Variants in LBX1 observed in about 807,000 individuals in gnomAD.
The protein encoded by LBX1 is transcription factor LBX1.
In LBX1, 6 loss-of-function variants were observed where a neutral mutation model predicts 19.9. The ratio of observed to expected loss-of-function variants is 0.30; its 90% confidence interval spans 0.17 to 0.60. The LOEUF (loss-of-function observed/expected upper bound fraction) is 0.60, where lower values mean the gene tolerates loss of function less well. LBX1 is among the 20% of genes least tolerant of loss of function. The pLI, the probability that LBX1 is intolerant of heterozygous loss-of-function variation, is 0.87. For synonymous variants in LBX1, 190 were observed against 189.3 expected (o/e 1.00, Z -0.03); for missense variants, 344 against 393.7 (o/e 0.87, Z 1.07).
intron 1 of LBX1, 63 bp from the exon 2 acceptor site, chr10:101,227,853 CCCGTAACT>C: frequency 1.4e-6 from 2 of 1,479,712 alleles, no homozygotes; most frequent in Admixed American, 4.4e-5. Flanking sequence ...GGCTCTCGCC[CCCGTAACT>C]CCGTAACCCA....
Position 101,228,928 on chromosome 10 carries a change from G to T in LBX1, c.-113C>A, listed in dbSNP as rs1333674434. On this transcript the variant is annotated 5_prime_UTR_variant, in exon 1 of 2. Coordinates refer to ENST00000370193, the MANE Select transcript of LBX1 (RefSeq NM_006562.5). ...GGCAGCGGCGGGTGGAAAGGAGGCC[G>T]CACTGGGCAGGGCGCGGGCCGGGCG... The T allele has an allele frequency of 5.1e-6, 3 of 590,400 alleles. No individual in the cohort carries two copies. The highest frequency in any genetic ancestry group is 7.1e-6 in the Non-Finnish European group (3 of 423,032). The allele number at this position is 590,400 out of a possible 1,614,324, so 36.6% of individuals were successfully genotyped here. A position where few individuals can be genotyped will look rare whatever the true frequency, so the allele number is the denominator to read the frequency against.
Position 101,227,317 on chromosome 10 carries a change from C to G in LBX1, c.799G>C (p.Asp267His), listed in dbSNP as rs774944786. 3.1e-6 allele frequency: 5 copies of G among 1,609,612 alleles called. No homozygotes were observed. The South Asian group carries it at 5.5e-5, about 18-fold the overall frequency. Residue 267 changes from aspartate (D) to histidine (H), a missense_variant, in exon 2 of 2, where the codon GAC (aspartate) becomes CAC (histidine). By Grantham distance (81) the Asp-to-His change is moderately conservative. Around this residue, in one of 3 missense-constraint regions of LBX1, gnomAD observed 146 missense variants for 124.2 expected, o/e 1.18. Transcript: ENST00000370193. ...TCGTCTTCCTCGTCCTCCGAGCAGTCCTGGCTGCTGGCCGGCTGGTCCGTG... is the reference window on the plus strand; with the variant it reads ...TCGTCTTCCTCGTCCTCCGAGCAGTGCTGGCTGCTGGCCGGCTGGTCCGTG... ...PLTDQPASSQ[D>H]CSEDEEDEEI...
chr10:101,227,437 T>TGCCGCA lies in LBX1; in HGVS notation c.673_678dup (p.Cys225_Gly226dup). On this transcript the variant is annotated inframe_insertion, in exon 2 of 2. Transcript: ENST00000370193. Reference sequence around the variant, plus strand: ...GGAGAGCCGGGCCTCGACTTGGCCCTGCCGCAGCCGCCGCCACCGCCGGCT... The same window carrying TGCCGCA: ...GGAGAGCCGGGCCTCGACTTGGCCCTGCCGCAGCCGCAGCCGCCGCCACCGCCGGCT... The TGCCGCA allele has an allele frequency of 6.3e-7, 1 of 1,595,338 alleles. No homozygotes were observed. The highest frequency in any genetic ancestry group is 8.5e-7 in the Non-Finnish European group (1 of 1,171,356).
rs779784691 is a variant in LBX1 at position 101,227,390 on chromosome 10, C to T, written c.726G>A (p.Pro242=). Residue 242 remains proline, a synonymous_variant, in exon 2 of 2, where the codon CCG becomes CCA. Transcript: ENST00000370193. ...PGSPVLPPGA[P]KAPGAGALQL... is the part of the protein sequence containing the mutation. ...GCAGGGCGCCAGCGCCCGGGGCCTT[C>T]GGGGCGCCTGGGGGGAGGACCGGAG... 2 of 1,604,122 alleles carry T rather than the reference C, an allele frequency of 1.2e-6. No homozygotes were observed. Among genetic ancestry groups the T allele is most frequent in the South Asian group, 2.2e-5 (2 of 90,686 alleles).
chr10:101,227,852 C>T, intron 1 of LBX1, 62 bp from the exon 2 acceptor site: 1 of 1,479,232 alleles, frequency 6.8e-7, no homozygotes, highest in Non-Finnish European at 9.1e-7. Flanking sequence ...TGGCTCTCGC[C>T]CCCGTAACTC....
rs774344628 is a variant in LBX1 at position 101,227,395 on chromosome 10, C to G, written c.721G>C (p.Ala241Pro). 3 of 1,602,836 alleles carry G rather than the reference C, an allele frequency of 1.9e-6. No homozygotes were observed. The highest frequency in any genetic ancestry group is 2.2e-5 in the East Asian group (1 of 44,602). The change falls in exon 2 of 2, where the codon GCC becomes CCC. Residue 241 changes from alanine to proline, a missense_variant. Ala to Pro is a conservative substitution (Grantham distance 27). Transcript: ENST00000370193. ...GCGCCAGCGCCCGGGGCCTTCGGGG[C>G]GCCTGGGGGGAGGACCGGAGAGCCG... ...RPGSPVLPPG[A>P]PKAPGAGALQ...
chr10:101,227,937 C>CCCTGGTCCTGG, intron 1 of LBX1, 147 bp from the exon 2 acceptor site: 2 of 754,562 alleles, frequency 2.7e-6, no homozygotes, highest in Non-Finnish European at 4.1e-6. Context: ...CCTCCAGGAC[C>CCCTGGTCCTGG]AGGGCAAGTC....
rs2134368690 is a variant in LBX1, at chr10:101,228,753, G to A, written c.63C>T (p.Asp21=). The A allele has an allele frequency of 2.5e-6, 4 of 1,602,052 alleles. No homozygotes were observed. The highest frequency in any genetic ancestry group is 4.6e-5 in the East Asian group (2 of 43,398). Residue 21 remains aspartate, a synonymous_variant, in exon 1 of 2, where the codon GAC becomes GAT. Coordinates refer to ENST00000370193, the MANE Select transcript of LBX1 (RefSeq NM_006562.5). Reference sequence around the variant, plus strand: ...TGGAGTTGGCAGGCGGAGGCAGGTGGTCCAGCGGGCTGCGCCGCCGCTCCT... The same window carrying A: ...TGGAGTTGGCAGGCGGAGGCAGGTGATCCAGCGGGCTGCGCCGCCGCTCCT... The part of the protein sequence containing the change: ...PGEERRRSPL[D]HLPPPANSNK...
In LBX1 at chr10:101,227,025, G is replaced by C; in HGVS notation, c.*245C>G. The C allele has an allele frequency of 2.2e-6, 1 of 451,588 alleles. No homozygotes were observed. Among genetic ancestry groups the C allele is most frequent in the Non-Finnish European group, 3.9e-6 (1 of 257,804 alleles). The allele number at this position is 451,588 out of a possible 1,614,324, so 28.0% of individuals were successfully genotyped here. ...TAAATATTTATATAGAAGCCATACA[G>C]AATTGCACGGCGAGGGCTTCCGGGG... On this transcript the variant is annotated 3_prime_UTR_variant, in exon 2 of 2. Coordinates refer to ENST00000370193, the MANE Select transcript of LBX1 (RefSeq NM_006562.5).
rs757024359 is a variant in LBX1 at position 101,227,783 on chromosome 10, G to C, written c.333C>G (p.Asp111Glu). The C allele has an allele frequency of 1.9e-6, 3 of 1,576,946 alleles. No individual in the cohort carries two copies. Among genetic ancestry groups the C allele is most frequent in the Non-Finnish European group, 2.6e-6 (3 of 1,158,962 alleles). The change falls in exon 2 of 2, where the codon GAC becomes GAG. Residue 111 changes from aspartate to glutamate, a missense_variant. Transcript: ENST00000370193. ...GCCGCTGCCCAAAGATGGTCATACC[G>C]TCGCGGCCTGGGAGGAAAGGACAGT... is the stretch of plus-strand genomic sequence containing the variant. ...VSVLQAAEGR[D>E]GMTIFGQRQT...
Position 101,229,006 on chromosome 10 carries a change from G to C in LBX1, c.-191C>G, listed in dbSNP as rs551963958. 1.0e-5 allele frequency: 2 copies of C among 197,174 alleles called. No individual in the cohort carries two copies. Among genetic ancestry groups the C allele is most frequent in the African/African-American group, 4.7e-5 (2 of 42,372 alleles). The allele number at this position is 197,174 out of a possible 1,614,324, so 12.2% of individuals were successfully genotyped here. On this transcript the variant is annotated 5_prime_UTR_variant, in exon 1 of 2. Transcript: ENST00000370193. This position sits in a 1 kb window ranked among gnomAD's most constrained non-coding sequence, Gnocchi z 6.4. ...AGGGGAGAACAGCGCGGGGCCCCGG[G>C]AAGAGGGCGCTGACGCGGGCGCCGC...
chr10:101,229,414 C>T lies in LBX1; in HGVS notation c.-599G>A. 1 of 221,500 alleles carries T rather than the reference C, an allele frequency of 4.5e-6. No homozygotes were observed. Among genetic ancestry groups the T allele is most frequent in the South Asian group, 4.9e-5 (1 of 20,612 alleles). The allele number at this position is 221,500 out of a possible 1,614,324, so 13.7% of individuals were successfully genotyped here. Reference sequence around the variant, plus strand: ...CTTCTCTGCTCCCCCCTTCTCTCTCCTTCTCTCCCTCTCCCTCGCCCTCTC... The same window carrying T: ...CTTCTCTGCTCCCCCCTTCTCTCTCTTTCTCTCCCTCTCCCTCGCCCTCTC... On this transcript the variant is annotated 5_prime_UTR_variant, in exon 1 of 2. Coordinates refer to ENST00000370193, the MANE Select transcript of LBX1 (RefSeq NM_006562.5). The surrounding 1 kb of genome is among the most constrained non-coding windows in gnomAD (Gnocchi z 6.4).
In LBX1 at chr10:101,228,892, C is replaced by A. The variant is rs1941079888; in HGVS notation, c.-77G>T. ...GCCCGCGGGCAGCTCGGGCGCCGGA[C>A]GGCGCGGGCAGGCAGCGGCGGGTGG... On this transcript the variant is annotated 5_prime_UTR_variant, in exon 1 of 2. Transcript: ENST00000370193. 2 of 1,082,610 alleles carry A rather than the reference C, an allele frequency of 1.8e-6. No homozygotes were observed. The highest frequency in any genetic ancestry group is 1.2e-6 in the Non-Finnish European group (1 of 841,122). 67.1% of individuals were successfully genotyped at this position (1,082,610 alleles called of 1,614,324 possible). A position where few individuals can be genotyped will look rare whatever the true frequency, so the allele number is the denominator to read the frequency against.
rs368563584 is a variant in LBX1 at position 101,227,816 on chromosome 10, C to T, written c.326-26G>A. 252 of 1,537,600 alleles carry T rather than the reference C, an allele frequency of 1.6e-4. 1 individual carries two copies. In the African/African-American group the frequency reaches 3.2e-3, roughly 19 times the overall value. On this transcript the variant is annotated intron_variant, in intron 1 of 1. Coordinates refer to ENST00000370193, the MANE Select transcript of LBX1 (RefSeq NM_006562.5). ...CTGGGAGGAAAGGACAGTGTAGGCT[C>T]GCGTTGGGAGAGAGGAAGCCCACCC... is the stretch of plus-strand genomic sequence containing the variant.
Position 101,227,413 on chromosome 10 carries a change from G to C in LBX1, c.703C>G (p.Pro235Ala), listed in dbSNP as rs1178332623. The stretch of plus-strand genomic sequence containing the variant: ...TTCGGGGCGCCTGGGGGGAGGACCG[G>C]AGAGCCGGGCCTCGACTTGGCCCTG... ...CGRAKSRPGS[P>A]VLPPGAPKAP... The change falls in exon 2 of 2, where the codon CCG (proline) becomes GCG (alanine). Residue 235 changes from proline to alanine, a missense_variant. Coordinates refer to ENST00000370193, the MANE Select transcript of LBX1 (RefSeq NM_006562.5). The C allele has an allele frequency of 1.3e-6, 2 of 1,599,050 alleles. No individual in the cohort carries two copies. Among genetic ancestry groups the C allele is most frequent in the Non-Finnish European group, 1.7e-6 (2 of 1,175,022 alleles).
In LBX1 at chr10:101,227,589, C is replaced by G. The variant is rs1182004667; in HGVS notation, c.527G>C (p.Arg176Pro). 6.2e-7 allele frequency: 1 copy of G among 1,614,084 alleles called. No individual in the cohort carries two copies. Among genetic ancestry groups the G allele is most frequent in the Non-Finnish European group, 8.5e-7 (1 of 1,180,036 alleles). Residue 176 changes from arginine (R) to proline (P), a missense_variant, in exon 2 of 2, where the codon CGG becomes CCG. This residue lies in a region of LBX1 where 45 missense variants were observed against 100.7 expected (regional missense o/e 0.45). Coordinates refer to ENST00000370193, the MANE Select transcript of LBX1 (RefSeq NM_006562.5). ...CAGGTCCCGCTTGAGCTTAGCGCGC[C>G]GATTCTGGAACCAGGTGATGACTTG... ...NAQVITWFQN[R>P]RAKLKRDLEE...
At position 101,227,204 on chromosome 10, in the gene LBX1, C is replaced by T. The variant is rs111303170; in HGVS notation, c.*66G>A. 92 of 1,498,032 alleles carry T rather than the reference C, an allele frequency of 6.1e-5. No homozygotes were observed. The highest frequency in any genetic ancestry group is 1.5e-4 in the Admixed American group (8 of 51,896). 92.8% of individuals were successfully genotyped at this position (1,498,032 alleles called of 1,614,324 possible). A position where few individuals can be genotyped will look rare whatever the true frequency, so the allele number is the denominator to read the frequency against. On this transcript the variant is annotated 3_prime_UTR_variant, in exon 2 of 2. Transcript: ENST00000370193. ...GAGGTCCCAGCTCCCCTCGGCGGTC[C>T]GGTCCGGGAGGCGTTGGGCTTTCGA...
In LBX1 at chr10:101,227,332, G is replaced by C. The variant is rs1174015740; in HGVS notation, c.784C>G (p.Pro262Ala). 1.1e-5 allele frequency: 18 copies of C among 1,609,098 alleles called. No individual in the cohort carries two copies. Among genetic ancestry groups the C allele is most frequent in the Non-Finnish European group, 1.5e-5 (18 of 1,178,840 alleles). ...LSPASPLTDQ[P>A]ASSQDCSEDE... ...TCCGAGCAGTCCTGGCTGCTGGCCG[G>C]CTGGTCCGTGAGCGGAGAGGCAGGC... The change falls in exon 2 of 2, where the codon CCG becomes GCG. Residue 262 changes from proline (P) to alanine (A), a missense_variant. Around this residue, in one of 3 missense-constraint regions of LBX1, gnomAD observed 146 missense variants for 124.2 expected, o/e 1.18. Transcript: ENST00000370193.
chr10:101,227,711 G>C lies in LBX1; in HGVS notation c.405C>G (p.His135Gln). Residue 135 changes from histidine (H) to glutamine (Q), a missense_variant, in exon 2 of 2, where the codon CAC (histidine) becomes CAG (glutamine). Around this residue, in one of 3 missense-constraint regions of LBX1, gnomAD observed 45 missense variants for 100.7 expected, o/e 0.45. Coordinates refer to ENST00000370193, the MANE Select transcript of LBX1 (RefSeq NM_006562.5). ...RRKSRTAFTN[H>Q]QIYELEKRFL... ...AGCGCTTTTCCAATTCATAGATCTGGTGGTTGGTGAAGGCCGTGCGCGACT... is the reference window on the plus strand; with the variant it reads ...AGCGCTTTTCCAATTCATAGATCTGCTGGTTGGTGAAGGCCGTGCGCGACT... 1.9e-6 allele frequency: 3 copies of C among 1,613,546 alleles called. No individual in the cohort carries two copies. The highest frequency in any genetic ancestry group is 2.5e-6 in the Non-Finnish European group (3 of 1,179,782).
Sources: allele counts gnomAD v4.1 joint callset, GRCh38; gene constraint gnomAD v4.1.1; regional missense constraint gnomAD v4.1.1; non-coding constraint Gnocchi (gnomAD v3.1); transcripts MANE v1.5; gene names NCBI Gene and HGNC (gene_info 2026-07-23, HGNC 2026-07-21).